Variants in LRCH2 observed in about 807,000 individuals in gnomAD.
LRCH2 encodes leucine-rich repeat and calponin homology domain-containing protein 2.
LRCH2 carries 38 observed loss-of-function variants against 68.9 expected under a neutral mutation model. The ratio of observed to expected loss-of-function variants is 0.55; its 90% CI spans 0.43 to 0.72. LRCH2 has a LOEUF of 0.72. LRCH2 is among the 30% of genes least tolerant of loss of function. The pLI, the probability that LRCH2 is intolerant of heterozygous loss-of-function variation, is 0.00. For synonymous variants in LRCH2, 191 were observed against 208.1 expected, an observed-to-expected ratio of 0.92 and a Z score of 0.71; for missense variants, 528 against 572.9, an observed-to-expected ratio of 0.92 and a Z score of 0.80.
In LRCH2 at chrX:115,185,849, C is replaced by G. The variant is rs919826357; in HGVS notation, c.495-1312G>C. Among the ~76,000 whole-genome samples the G allele has an allele frequency of 4.5e-5, 5 of 111,305 alleles. No homozygotes were observed. In the Admixed American group the frequency reaches 4.8e-4, roughly 11 times the overall value. On this transcript the variant is annotated intron_variant, in intron 2 of 20. Coordinates refer to ENST00000317135, the MANE Select transcript of LRCH2 (RefSeq NM_020871.4). ...CCTTGGAAAAATGGTCAGTCTGGGT[C>G]CCTTCATACCAGGGCACACAAGGAT...
Position 115,180,072 on chromosome X carries a change from G to A in LRCH2, c.622-321C>T, listed in dbSNP as rs782692479. 2.2e-4 allele frequency among the ~76,000 whole-genome samples: 24 copies of A among 111,339 alleles called. 1 individual carries two copies. The South Asian group carries it at 7.6e-3, about 35-fold the overall frequency. ...GTAAGAATGATCCAGCACTCTTCAC[G>A]TGGAGGTAAAGTAAAAGACTAACAA... On this transcript the variant is annotated intron_variant, in intron 3 of 20. Coordinates refer to ENST00000317135, the MANE Select transcript of LRCH2 (RefSeq NM_020871.4).
chrX:115,146,499 A>T (rs1303158378), intron 14 of LRCH2, among the ~76,000 whole-genome samples: 2 of 110,835 alleles, frequency 1.8e-5, no homozygotes, highest in African/African-American at 6.6e-5. Flanking sequence ...ATTATTGAAC[A>T]TTGTATGCCT....
intron 1 of LRCH2, among the ~76,000 whole-genome samples, chrX:115,217,796 A>G (rs2073051723): frequency 9.0e-6 from 1 of 111,678 alleles, no homozygotes; most frequent in Non-Finnish European, 1.9e-5. Context: ...TCCTTGAGGA[A>G]TTGCCACACT....
At chrX:115,183,418 T>C (rs2072708781) in intron 3 of LRCH2, among the ~76,000 whole-genome samples, 1 of 111,602 alleles carries the variant, frequency 9.0e-6, no homozygotes, top group Admixed American at 9.6e-5. Context: ...CTTTAGTCCA[T>C]GCACAGTGGC....
chrX:115,189,959 G>C (rs2072772564), intron 1 of LRCH2: 2 of 1,162,016 alleles, frequency 1.7e-6, no homozygotes, highest in Non-Finnish European at 2.3e-6. Context: ...CTGGCTCACA[G>C]CGTTGGCTGT....
chrX:115,195,667 G>A (rs1175618879), intron 1 of LRCH2, among the ~76,000 whole-genome samples: 3 of 111,552 alleles, frequency 2.7e-5, no homozygotes, highest in African/African-American at 9.8e-5. Flanking sequence ...CCAAAATCTG[G>A]GAATGAGAAG....
chrX:115,166,070 C>A, intron 7 of LRCH2, 118 bp from the exon 8 acceptor site: 1 of 662,311 alleles, frequency 1.5e-6, no homozygotes, highest in African/African-American at 2.2e-5. Context: ...AGTTTTCAAA[C>A]CCAAAATTAA....
At chrX:115,149,680 G>T in intron 14 of LRCH2, 147 bp downstream of exon 14, 2 of 399,498 alleles carry the variant, frequency 5.0e-6, no homozygotes, top group Non-Finnish European at 4.4e-6. Flanking sequence ...TAATTAGATT[G>T]TATTACCCCA....
intron 11 of LRCH2, among the ~76,000 whole-genome samples, chrX:115,161,762 T>C (rs2072520617): frequency 9.0e-6 from 1 of 111,141 alleles, no homozygotes; most frequent in Non-Finnish European, 1.9e-5. Context: ...TCAGTCAATG[T>C]TGTACCTAGG....
intron 5 of LRCH2, among the ~76,000 whole-genome samples, chrX:115,175,976 T>A (rs1226119882): frequency 1.8e-5 from 2 of 111,848 alleles, no homozygotes; most frequent in African/African-American, 6.5e-5. Flanking sequence ...GGGACTGAGC[T>A]CTTAACCTGT....
intron 1 of LRCH2, among the ~76,000 whole-genome samples, chrX:115,216,968 G>A (rs1163317080): frequency 1.8e-5 from 2 of 111,786 alleles, no homozygotes; most frequent in South Asian, 3.8e-4. Flanking sequence ...ATGAAAAAGC[G>A]AAGCACTATC....
intron 14 of LRCH2, among the ~76,000 whole-genome samples, chrX:115,131,922 T>G (rs1200680653): frequency 8.9e-6 from 1 of 112,041 alleles, no homozygotes; most frequent in Non-Finnish European, 1.9e-5. Flanking sequence ...TGCCCACTAT[T>G]TGATGGGGTT....
intron 1 of LRCH2, among the ~76,000 whole-genome samples, chrX:115,215,149 G>A (rs1217591572): frequency 1.8e-5 from 2 of 111,841 alleles, no homozygotes; most frequent in African/African-American, 6.5e-5. Context: ...GGAAGAAAAA[G>A]ATAAACATGA....
intron 1 of LRCH2, among the ~76,000 whole-genome samples, chrX:115,224,761 A>G (rs1280128536): frequency 5.4e-5 from 6 of 111,138 alleles, no homozygotes; most frequent in African/African-American, 2.0e-4. Context: ...AAAGTTTCAC[A>G]ATTTCACTGA....
chrX:115,189,985 G>A, intron 1 of LRCH2: 4 of 1,163,644 alleles, frequency 3.4e-6, no homozygotes, highest in Non-Finnish European at 4.6e-6. Flanking sequence ...GCGCGGGAAG[G>A]CACCGACTGT....
At chrX:115,135,352 C>A (rs1556531615) in intron 14 of LRCH2, among the ~76,000 whole-genome samples, 1 of 109,394 alleles carries the variant, frequency 9.1e-6, no homozygotes, top group African/African-American at 3.3e-5. Context: ...TGGTCTCAAA[C>A]TCCTGAGCTC....
At position 115,113,190 on chromosome X, in the gene LRCH2, T is replaced by C. The variant is rs1342789913; in HGVS notation, c.*26A>G. ...AAATCACTTCAAATAAATGAAACTA[T>C]ACACTTAGAATTTTAAAATGTTATA... On this transcript the variant is annotated 3_prime_UTR_variant, in exon 21 of 21. Coordinates refer to ENST00000317135, the MANE Select transcript of LRCH2 (RefSeq NM_020871.4). The C allele has an allele frequency of 1.3e-5, 15 of 1,137,422 alleles. No homozygotes were observed. Among genetic ancestry groups the C allele is most frequent in the South Asian group, 2.2e-5 (1 of 45,945 alleles). 93.7% of individuals were successfully genotyped at this position (1,137,422 alleles called of 1,213,427 possible). A position where few individuals can be genotyped will look rare whatever the true frequency, so the allele number is the denominator to read the frequency against.
chrX:115,188,728 G>A (rs782768564), intron 1 of LRCH2, among the ~76,000 whole-genome samples: 29 of 111,218 alleles, frequency 2.6e-4, no homozygotes, highest in African/African-American at 9.2e-4. Flanking sequence ...CTTCTCAGGA[G>A]GCTGAGGCAG....
At chrX:115,185,864 C>T (rs150015845) in intron 2 of LRCH2, among the ~76,000 whole-genome samples, 96 of 111,333 alleles carry the variant, frequency 8.6e-4, no homozygotes, top group African/African-American at 3.1e-3. Flanking sequence ...CATACCAGGG[C>T]ACACAAGGAT....
Sources: allele counts gnomAD v4.1 joint callset (sites outside exome capture counted in the v4.1 genomes callset), GRCh38; gene constraint gnomAD v4.1.1; transcripts MANE v1.5; gene names NCBI Gene and HGNC (gene_info 2026-07-23, HGNC 2026-07-21).